GRID2: variants seen among roughly 807,000 people sequenced by gnomAD.
GRID2 encodes glutamate receptor ionotropic, delta-2.
Under a neutral mutation model 114.8 loss-of-function variants are expected in GRID2, and 33 were observed. The ratio of observed to expected loss-of-function variants is 0.29; its 90% CI spans 0.22 to 0.38. GRID2 has a LOEUF of 0.38. Ranked by LOEUF, GRID2 falls within the 10% of genes least tolerant of loss-of-function variation. The pLI is 1.00. For missense variants in GRID2, 1,184 were observed against 1,257.7 expected (o/e 0.94, Z 0.89); for synonymous variants, 505 against 449.9 (o/e 1.12, Z -1.55).
chr4:93,590,367 A>G (rs1397327857), intron 13 of GRID2, among the ~76,000 whole-genome samples: 2 of 150,192 alleles, frequency 1.3e-5, no homozygotes, highest in Non-Finnish European at 1.5e-5. Context: ...ATAGTTGTAG[A>G]TAGGTGGCGT....
At chr4:93,197,573 A>G (rs952046236) in intron 4 of GRID2, among the ~76,000 whole-genome samples, 2 of 152,172 alleles carry the variant, frequency 1.3e-5, no homozygotes, top group Non-Finnish European at 2.9e-5. Context: ...GACAGAATAA[A>G]TGTTGTCAAA....
At chr4:93,352,291 A>G (rs1308308092) in intron 8 of GRID2, among the ~76,000 whole-genome samples, 1 of 152,022 alleles carries the variant, frequency 6.6e-6, no homozygotes, top group East Asian at 1.9e-4. Context: ...TCAAAGTTTG[A>G]AGAACTCTAA....
chr4:92,697,010 C>A (rs1734452009), intron 2 of GRID2, among the ~76,000 whole-genome samples: 1 of 152,144 alleles, frequency 6.6e-6, no homozygotes, highest in South Asian at 2.1e-4. Flanking sequence ...CTCAATGACC[C>A]TTGTGAAATG....
intron 2 of GRID2, among the ~76,000 whole-genome samples, chr4:93,022,503 A>G (rs1723475072): frequency 6.6e-6 from 1 of 151,990 alleles, no homozygotes; most frequent in Admixed American, 6.6e-5. Flanking sequence ...GTTTTAGATC[A>G]TAAATCTTTG....
At chr4:92,695,106 A>G (rs530941911) in intron 2 of GRID2, among the ~76,000 whole-genome samples, 6 of 152,068 alleles carry the variant, frequency 3.9e-5, no homozygotes, top group African/African-American at 1.4e-4. Flanking sequence ...AGCTGGGAAT[A>G]CAGGTGCACA....
chr4:93,723,598 T>C (rs1729579872), intron 14 of GRID2, among the ~76,000 whole-genome samples: 1 of 152,228 alleles, frequency 6.6e-6, no homozygotes, highest in Non-Finnish European at 1.5e-5. Flanking sequence ...AACTTTTAAT[T>C]CTATTTAAGA....
At chr4:93,569,207 A>C (rs1735711940) in intron 13 of GRID2, among the ~76,000 whole-genome samples, 1 of 152,076 alleles carries the variant, frequency 6.6e-6, no homozygotes, top group African/African-American at 2.4e-5. Context: ...CTATGCCTAA[A>C]ATCATACCTT....
intron 1 of GRID2, among the ~76,000 whole-genome samples, chr4:92,436,712 T>G (rs932883252): frequency 6.6e-6 from 1 of 152,136 alleles, no homozygotes; most frequent in Non-Finnish European, 1.5e-5. Context: ...TATAAATGTG[T>G]GTTAAATATG....
intron 15 of GRID2, among the ~76,000 whole-genome samples, chr4:93,770,517 T>G (rs779222349): frequency 1.6e-4 from 24 of 152,290 alleles, no homozygotes; most frequent in Admixed American, 6.5e-4. Context: ...ATATGCAAAA[T>G]TGATCAGCAG....
At chr4:92,756,275 T>C (rs1320246171) in intron 2 of GRID2, among the ~76,000 whole-genome samples, 2 of 152,180 alleles carry the variant, frequency 1.3e-5, no homozygotes, top group Non-Finnish European at 1.5e-5. Context: ...GGCATAATTT[T>C]GTTCTTTTTT....
chr4:92,925,782 T>A (rs1749763457), intron 2 of GRID2, among the ~76,000 whole-genome samples: 1 of 152,026 alleles, frequency 6.6e-6, no homozygotes, highest in Admixed American at 6.6e-5. Context: ...GCTTTCTGTT[T>A]TAACTGATTT....
At chr4:93,521,876 G>C (rs1730369770) in intron 13 of GRID2, among the ~76,000 whole-genome samples, 1 of 152,126 alleles carries the variant, frequency 6.6e-6, no homozygotes, top group African/African-American at 2.4e-5. Context: ...CTTTTTAAAG[G>C]AGTAACTCCT....
chr4:92,482,028 A>G (rs1341539668), intron 1 of GRID2, among the ~76,000 whole-genome samples: 3 of 69,160 alleles, frequency 4.3e-5, no homozygotes, highest in Non-Finnish European at 9.5e-5. Flanking sequence ...ATATATATAT[A>G]TATATAAAAT....
chr4:92,316,589 G>A (rs1725994069), intron 1 of GRID2, among the ~76,000 whole-genome samples: 1 of 152,048 alleles, frequency 6.6e-6, no homozygotes, highest in Non-Finnish European at 1.5e-5. Context: ...ATTGAAACAA[G>A]ACACGTTTCA....
intron 14 of GRID2, among the ~76,000 whole-genome samples, chr4:93,744,767 A>G (rs977763766): frequency 2.0e-4 from 31 of 152,202 alleles, no homozygotes; most frequent in African/African-American, 6.8e-4. Flanking sequence ...ATGCTATCAA[A>G]CAGCTTTGCA....
chr4:92,500,299 T>C (rs1197546075), intron 1 of GRID2, among the ~76,000 whole-genome samples: 2 of 152,174 alleles, frequency 1.3e-5, no homozygotes, highest in African/African-American at 2.4e-5. Context: ...TTTTGAGATA[T>C]TTCCTCCACT....
chr4:93,356,673 T>C (rs1030275140), intron 8 of GRID2, among the ~76,000 whole-genome samples: 1 of 151,894 alleles, frequency 6.6e-6, no homozygotes, highest in Non-Finnish European at 1.5e-5. Context: ...AAATTATTTA[T>C]AGTAGCATTT....
chr4:92,643,529 A>G (rs1731462572), intron 2 of GRID2, among the ~76,000 whole-genome samples: 1 of 151,838 alleles, frequency 6.6e-6, no homozygotes, highest in Non-Finnish European at 1.5e-5. Flanking sequence ...TAGCATTTTT[A>G]TATACTAATA....
At chr4:93,734,414 T>G (rs1730751550) in intron 14 of GRID2, among the ~76,000 whole-genome samples, 1 of 152,044 alleles carries the variant, frequency 6.6e-6, no homozygotes, top group Non-Finnish European at 1.5e-5. Context: ...GTTGAACTGT[T>G]GACTGCAAGA....
Sources: allele counts gnomAD v4.1 joint callset (sites outside exome capture counted in the v4.1 genomes callset), GRCh38; gene constraint gnomAD v4.1.1; transcripts MANE v1.5; gene names NCBI Gene and HGNC (gene_info 2026-07-23, HGNC 2026-07-21).